TMEM72: variants seen among roughly 807,000 people sequenced by gnomAD.
TMEM72 encodes kidney-specific secretory protein of 37 kDa.
A neutral mutation model predicts 16.3 loss-of-function variants in TMEM72; 9 were observed. That is an observed-to-expected ratio of 0.55 (90% CI 0.33 to 0.96). TMEM72 has a LOEUF of 0.96. Ranked by LOEUF, TMEM72 falls within the 40% of genes least tolerant of loss-of-function variation. TMEM72 has a pLI of 0.03. For missense variants in TMEM72, 324 were observed against 337.8 expected (o/e 0.96, Z 0.32); for synonymous variants, 160 against 146.5 (o/e 1.09, Z -0.66).
chr10:44,927,907 C>T lies in TMEM72; in HGVS notation c.71-14C>T, dbSNP rs772092730. 1 of 1,613,644 alleles carries T rather than the reference C, an allele frequency of 6.2e-7. No individual in the cohort carries two copies. On this transcript the variant is annotated splice_polypyrimidine_tract_variant and intron_variant, in intron 1 of 4. Coordinates refer to ENST00000389583, the MANE Select transcript of TMEM72 (RefSeq NM_001123376.3). Reference sequence around the variant, plus strand: ...AGCACCAGGCCCACTCTTCCTTCTTCTCTTGCCCCTTAGTGTTGATCGGCG... The same window carrying T: ...AGCACCAGGCCCACTCTTCCTTCTTTTCTTGCCCCTTAGTGTTGATCGGCG...
In TMEM72 at chr10:44,929,095, G is replaced by A. The variant is rs550770419; in HGVS notation, c.137+1108G>A. On this transcript the variant is annotated intron_variant, in intron 2 of 4. Transcript: ENST00000389583. The stretch of plus-strand genomic sequence containing the variant: ...AAATTCAGAAGGAGTAAGCAGGTTA[G>A]CCCACATCACCAAGCTCATGAGCAG... Among the ~76,000 whole-genome samples, 4 of 152,348 alleles carry A rather than the reference G, an allele frequency of 2.6e-5. No homozygotes were observed. The South Asian group carries it at 6.2e-4, about 24-fold the overall frequency.
At chr10:44,921,551 C>T (rs915748814) in intron 1 of TMEM72, among the ~76,000 whole-genome samples, 2 of 152,182 alleles carry the variant, frequency 1.3e-5, no homozygotes, top group African/African-American at 4.8e-5. Context: ...TGATTGGCTC[C>T]TGATCATTGA....
Position 44,934,647 on chromosome 10 carries a change from C to T in TMEM72, c.350-9C>T. On this transcript the variant is annotated splice_polypyrimidine_tract_variant and intron_variant, in intron 4 of 4. Coordinates refer to ENST00000389583, the MANE Select transcript of TMEM72 (RefSeq NM_001123376.3). ...TCCTCTAGAGCCCTGACCTCTGGCT[C>T]TTTTCCAGGCTCCATGCTCATCATC... 6.5e-7 allele frequency: 1 copy of T among 1,548,942 alleles called. No homozygotes were observed. Among genetic ancestry groups the T allele is most frequent in the Non-Finnish European group, 8.7e-7 (1 of 1,149,230 alleles).
Position 44,934,647 on chromosome 10 carries a change from C to CT in TMEM72, c.350-5dup. 1 of 1,548,942 alleles carries CT rather than the reference C, an allele frequency of 6.5e-7. No individual in the cohort carries two copies. The highest frequency in any genetic ancestry group is 8.7e-7 in the Non-Finnish European group (1 of 1,149,230). On this transcript the variant is annotated splice_polypyrimidine_tract_variant and intron_variant, in intron 4 of 4. Transcript: ENST00000389583. Reference sequence around the variant, plus strand: ...TCCTCTAGAGCCCTGACCTCTGGCTCTTTTCCAGGCTCCATGCTCATCATC... The same window carrying CT: ...TCCTCTAGAGCCCTGACCTCTGGCTCTTTTTCCAGGCTCCATGCTCATCATC...
At chr10:44,925,180 T>C (rs1840165373) in intron 1 of TMEM72, among the ~76,000 whole-genome samples, 1 of 152,184 alleles carries the variant, frequency 6.6e-6, no homozygotes, top group Non-Finnish European at 1.5e-5. Context: ...GGCTCTCATT[T>C]CTCTGTTGCC....
In TMEM72 at chr10:44,935,151, G is replaced by A. The variant is rs1183114203; in HGVS notation, c.*17G>A. 2.6e-6 allele frequency: 4 copies of A among 1,548,616 alleles called. No homozygotes were observed. Among genetic ancestry groups the A allele is most frequent in the Admixed American group, 2.0e-5 (1 of 50,724 alleles). ...CTGTTCTGAGCGCTTGCTCCAGCCT[G>A]GAGGACGCTCAGTGAGGGGTCTACC... On this transcript the variant is annotated 3_prime_UTR_variant, in exon 5 of 5. Transcript: ENST00000389583.
At chr10:44,914,137 T>C (rs1839979518) in intron 1 of TMEM72, among the ~76,000 whole-genome samples, 1 of 152,160 alleles carries the variant, frequency 6.6e-6, no homozygotes, top group Admixed American at 6.5e-5. Context: ...GCCACAGCCT[T>C]TGGATGAAGC....
intron 2 of TMEM72, among the ~76,000 whole-genome samples, chr10:44,930,846 G>A (rs1048936266): frequency 6.6e-6 from 1 of 152,200 alleles, no homozygotes; most frequent in African/African-American, 2.4e-5. Flanking sequence ...GTTTACAGCT[G>A]AGGAAACTAA....
intron 1 of TMEM72, among the ~76,000 whole-genome samples, chr10:44,916,938 G>T (rs755006305): frequency 1.3e-5 from 2 of 152,030 alleles, no homozygotes; most frequent in Non-Finnish European, 2.9e-5. Flanking sequence ...ACTCCTAATC[G>T]CTATTTCCTC....
chr10:44,923,545 G>A (rs1223272487), intron 1 of TMEM72, among the ~76,000 whole-genome samples: 3 of 152,168 alleles, frequency 2.0e-5, no homozygotes, highest in South Asian at 2.1e-4. Context: ...CCAGCACATC[G>A]CTGAGAAAAC....
At chr10:44,928,392 G>A (rs1002949512) in intron 2 of TMEM72, among the ~76,000 whole-genome samples, 4 of 148,254 alleles carry the variant, frequency 2.7e-5, no homozygotes, top group Admixed American at 1.3e-4. Flanking sequence ...TCATCCACCT[G>A]CCCATCCATC....
At chr10:44,919,394 G>A (rs2132714400) in intron 1 of TMEM72, among the ~76,000 whole-genome samples, 1 of 152,246 alleles carries the variant, frequency 6.6e-6, no homozygotes, top group African/African-American at 2.4e-5. Flanking sequence ...AAATCTAATA[G>A]AATCTACCCC....
At chr10:44,920,608 A>G (rs573541059) in intron 1 of TMEM72, among the ~76,000 whole-genome samples, 63 of 152,354 alleles carry the variant, frequency 4.1e-4, no homozygotes, top group African/African-American at 1.4e-3. Flanking sequence ...TTTGGCCACA[A>G]AAAAACCCAC....
At chr10:44,929,469 C>CA (rs1481079188) in intron 2 of TMEM72, among the ~76,000 whole-genome samples, 2 of 152,234 alleles carry the variant, frequency 1.3e-5, no homozygotes, top group Non-Finnish European at 2.9e-5. Context: ...ACTCCCCCCC[C>CA]TCCTCAGGAT....
chr10:44,932,561 G>A lies in TMEM72; in HGVS notation c.209+492G>A, dbSNP rs142919333. Among the ~76,000 whole-genome samples, 382 of 152,282 alleles carry A rather than the reference G, an allele frequency of 2.5e-3. 1 individual carries two copies. The highest frequency in any genetic ancestry group is 8.9e-3 in the African/African-American group (368 of 41,548). On this transcript the variant is annotated intron_variant, in intron 3 of 4. Transcript: ENST00000389583. ...TGCAGGATCTCGTGAGGCCCTTGCT[G>A]CTTCCCAGCCTACACTCAGTATGTG...
In TMEM72 at chr10:44,935,184, A is replaced by G. The variant is rs992864232; in HGVS notation, c.*50A>G. ...CTCAGTGAGGGGTCTACCTAGCTCA[A>G]TGGCCCTCCCTGGAGTTTCAGGGTC... On this transcript the variant is annotated 3_prime_UTR_variant, in exon 5 of 5. Transcript: ENST00000389583. 4.0e-6 allele frequency: 6 copies of G among 1,495,792 alleles called. No individual in the cohort carries two copies. The African/African-American group carries it at 5.6e-5, about 14-fold the overall frequency. The allele number at this position is 1,495,792 out of a possible 1,614,324, so 92.7% of individuals were successfully genotyped here. A position where few individuals can be genotyped will look rare whatever the true frequency, so the allele number is the denominator to read the frequency against.
intron 1 of TMEM72, among the ~76,000 whole-genome samples, chr10:44,916,919 T>G (rs187990683): frequency 6.6e-6 from 1 of 152,298 alleles, no homozygotes; most frequent in East Asian, 1.9e-4. Flanking sequence ...GATCTGCTCC[T>G]GAGACTCCAC....
At position 44,911,417 on chromosome 10, in the gene TMEM72, A is replaced by G; in HGVS notation, c.-96A>G. 7.5e-7 allele frequency: 1 copy of G among 1,334,602 alleles called. No homozygotes were observed. 82.7% of individuals were successfully genotyped at this position (1,334,602 alleles called of 1,614,324 possible). A position where few individuals can be genotyped will look rare whatever the true frequency, so the allele number is the denominator to read the frequency against. ...AGGGCCCCGGTGTGCAGCCACAGCC[A>G]GCAGCCTCCTACCTACACAAGGGTG... On this transcript the variant is annotated 5_prime_UTR_variant, in exon 1 of 5. Transcript: ENST00000389583.
chr10:44,935,236 AC>A lies in TMEM72; in HGVS notation c.*104del. The A allele has an allele frequency of 1.7e-6, 2 of 1,194,800 alleles. No individual in the cohort carries two copies. Among genetic ancestry groups the A allele is most frequent in the Non-Finnish European group, 2.3e-6 (2 of 865,988 alleles). 74.0% of individuals were successfully genotyped at this position (1,194,800 alleles called of 1,614,324 possible). Reference sequence around the variant, plus strand: ...TCTCTGGTCAGCTTTTCAAGGGGTAACCAGACACCCCCACACTGGCTGGGCC... The same window carrying A: ...TCTCTGGTCAGCTTTTCAAGGGGTAACAGACACCCCCACACTGGCTGGGCC... On this transcript the variant is annotated 3_prime_UTR_variant, in exon 5 of 5. Transcript: ENST00000389583.
Sources: gnomAD v4.1 joint callset for allele counts (sites outside exome capture counted in the v4.1 genomes callset) on GRCh38, gnomAD v4.1.1 for gene constraint, MANE v1.5 for transcripts, NCBI Gene and HGNC (gene_info 2026-07-23, HGNC 2026-07-21) for gene names.